SV2C: variants seen among roughly 807,000 people sequenced by gnomAD.
SV2C encodes synaptic vesicle glycoprotein 2C.
SV2C carries 49 observed loss-of-function variants against 79.7 expected under a neutral mutation model. The ratio of observed to expected loss-of-function variants is 0.61; its 90% confidence interval spans 0.49 to 0.78. The LOEUF (loss-of-function observed/expected upper bound fraction) is 0.78. SV2C is among the 30% of genes least tolerant of loss of function. The pLI, the probability that SV2C is intolerant of heterozygous loss-of-function variation, is 0.00. For missense variants in SV2C, 833 were observed against 912.9 expected (o/e 0.91, Z 1.13); for synonymous variants, 334 against 333.2 (o/e 1.00, Z -0.03).
chr5:76,272,867 C>T (rs1025799661), intron 4 of SV2C, among the ~76,000 whole-genome samples: 7 of 152,040 alleles, frequency 4.6e-5, no homozygotes, highest in African/African-American at 1.7e-4. Context: ...TGTTATTATT[C>T]ATCCACAGAC....
chr5:75,993,877 TCTTTC>T, the SV2C span, among the ~76,000 whole-genome samples: 6 of 152,202 alleles, frequency 3.9e-5, no homozygotes, highest in East Asian at 1.2e-3. Context: ...TTCAGGCACA[TCTTTC>T]CTGGGCCAAT....
At chr5:75,875,560 G>A in the SV2C span, among the ~76,000 whole-genome samples, 5 of 151,988 alleles carry the variant, frequency 3.3e-5, no homozygotes, top group Admixed American at 6.6e-5. Flanking sequence ...GTAATTGCAA[G>A]AAAAGCAAAA....
the SV2C span, among the ~76,000 whole-genome samples, chr5:75,983,626 G>A: frequency 1.3e-5 from 2 of 151,172 alleles, no homozygotes; most frequent in East Asian, 1.9e-4. Flanking sequence ...ATGTTTTGGC[G>A]AACTTTATAG....
intron 1 of SV2C, among the ~76,000 whole-genome samples, chr5:76,130,173 AAAAAAAAG>A (rs1344952027): frequency 9.5e-5 from 12 of 126,146 alleles, no homozygotes; most frequent in African/African-American, 1.3e-4. Flanking sequence ...AAAAAAAAAA[AAAAAAAAG>A]AGCTGGGGGA....
intron 4 of SV2C, chr5:76,242,126 C>CT: frequency 7.0e-7 from 1 of 1,422,928 alleles, no homozygotes. Flanking sequence ...CAGCTTTTCC[C>CT]TTTTTCCCTT....
the SV2C span, among the ~76,000 whole-genome samples, chr5:76,049,024 A>AAAGAAAGAAAGAAAGAAAGAAAGAG: frequency 0.02 from 2,428 of 120,568 alleles, 173 homozygotes; most frequent in East Asian, 0.047. Context: ...AGAAAGAAAG[A>AAAGAAAGAAAGAAAGAAAGAAAGAG]AAAAGAAAAG....
chr5:75,899,017 C>G, the SV2C span, among the ~76,000 whole-genome samples: 11 of 152,094 alleles, frequency 7.2e-5, no homozygotes. Flanking sequence ...TTCAAAAAAC[C>G]AGCTCCTGGA....
intron 12 of SV2C, among the ~76,000 whole-genome samples, chr5:76,324,665 A>G (rs898622952): frequency 1.3e-5 from 2 of 151,658 alleles, no homozygotes; most frequent in African/African-American, 4.8e-5. Context: ...GCAACGCAGG[A>G]GGACACCCCC....
chr5:75,932,701 T>C, the SV2C span, among the ~76,000 whole-genome samples: 15 of 152,206 alleles, frequency 9.9e-5, no homozygotes, highest in African/African-American at 3.6e-4. Flanking sequence ...AGTTTTCCAC[T>C]CTGGGCGGGC....
At chr5:75,853,652 C>A in the SV2C span, among the ~76,000 whole-genome samples, 1 of 119,932 alleles carries the variant, frequency 8.3e-6, no homozygotes, top group Non-Finnish European at 1.6e-5. Flanking sequence ...ATTGTTACAT[C>A]TACTAAAGTT....
upstream of SV2C, among the ~76,000 whole-genome samples, chr5:76,081,451 C>T (rs1746990646): frequency 6.6e-6 from 1 of 152,104 alleles, no homozygotes; most frequent in African/African-American, 2.4e-5. Context: ...ATTTCCAATG[C>T]TGGATTCATA....
chr5:76,255,285 A>G (rs532073288), intron 4 of SV2C, among the ~76,000 whole-genome samples: 1 of 152,164 alleles, frequency 6.6e-6, no homozygotes, highest in Admixed American at 6.5e-5. Context: ...CACTCTTTTG[A>G]ATCTGTCTGT....
At chr5:76,275,821 A>G (rs1030878818) in intron 4 of SV2C, among the ~76,000 whole-genome samples, 1 of 152,246 alleles carries the variant, frequency 6.6e-6, no homozygotes, top group Non-Finnish European at 1.5e-5. Context: ...CCTTCCTTGC[A>G]TGGAACTTAT....
intron 2 of SV2C, among the ~76,000 whole-genome samples, chr5:76,188,167 A>G (rs1228772528): frequency 6.6e-6 from 1 of 152,170 alleles, no homozygotes; most frequent in Non-Finnish European, 1.5e-5. Context: ...AGGCTGAGGT[A>G]GAAGGATCAC....
chr5:76,054,556 G>A, the SV2C span, among the ~76,000 whole-genome samples: 20 of 152,282 alleles, frequency 1.3e-4, no homozygotes, highest in South Asian at 4.1e-3. Context: ...CTAGATCCTT[G>A]AGGAATCGCC....
At chr5:75,971,827 T>C in the SV2C span, among the ~76,000 whole-genome samples, 1 of 151,978 alleles carries the variant, frequency 6.6e-6, no homozygotes, top group East Asian at 1.9e-4. Flanking sequence ...AAAAACTACT[T>C]GAAAGTTCAT....
intron 2 of SV2C, among the ~76,000 whole-genome samples, chr5:76,147,891 T>A (rs10942754): frequency 0.4 from 60,416 of 151,944 alleles, 12,724 homozygotes; most frequent in Middle Eastern, 0.5. Context: ...ATTTAAACGC[T>A]TCCTGATGAT....
At chr5:75,968,886 A>G in the SV2C span, among the ~76,000 whole-genome samples, 3 of 152,126 alleles carry the variant, frequency 2.0e-5, no homozygotes. Flanking sequence ...GATTCACCAA[A>G]GTTGAAATGA....
At chr5:76,049,312 G>A in the SV2C span, among the ~76,000 whole-genome samples, 1 of 148,408 alleles carries the variant, frequency 6.7e-6, no homozygotes, top group East Asian at 2.0e-4. Context: ...ACTCCAGCCT[G>A]GGTGACAGAG....
Sources: gnomAD v4.1 joint callset for allele counts (sites outside exome capture counted in the v4.1 genomes callset) on GRCh38, gnomAD v4.1.1 for gene constraint, MANE v1.5 for transcripts, NCBI Gene and HGNC (gene_info 2026-07-23, HGNC 2026-07-21) for gene names.